Variants in ZNF446 observed in about 807,000 individuals in gnomAD.
ZNF446 encodes the protein zinc finger protein 446.
ZNF446 carries 42 observed loss-of-function variants against 34.0 expected under a neutral mutation model. The ratio of observed to expected loss-of-function variants is 1.23; its 90% CI spans 0.96 to 1.60. The LOEUF (loss-of-function observed/expected upper bound fraction) is 1.60, where lower values mean the gene tolerates loss of function less well. Ranked by LOEUF, ZNF446 falls within the 40% of genes most tolerant of loss-of-function variation. ZNF446 has a pLI of 0.00. For missense variants in ZNF446, 650 were observed against 600.2 expected, an observed-to-expected ratio of 1.08 and a Z score of -0.87; for synonymous variants, 315 against 251.0, an observed-to-expected ratio of 1.25 and a Z score of -2.41.
chr19:58,478,175 G>T lies in ZNF446; in HGVS notation c.621G>T (p.Arg207Ser). The T allele has an allele frequency of 6.2e-7, 1 of 1,613,828 alleles. No individual in the cohort carries two copies. The highest frequency in any genetic ancestry group is 1.1e-5 in the South Asian group (1 of 91,058). The change falls in exon 4 of 7, where the codon AGG becomes AGT. Residue 207 changes from arginine to serine, a missense_variant. Coordinates refer to ENST00000594369, the MANE Select transcript of ZNF446 (RefSeq NM_017908.4). ...CCTCCACATCCTTCCACCCACCCAG[G>T]ATTCAGGTGAGCAGCCCCAAGTGGG... is the stretch of plus-strand genomic sequence containing the variant. The part of the protein sequence containing the change: ...EPASTSFHPP[R>S]IQEEWGLLDR...
At chr19:58,477,585 T>C in intron 2 of ZNF446, 25 bp downstream of exon 2, 2 of 1,613,068 alleles carry the variant, frequency 1.2e-6, no homozygotes, top group South Asian at 1.1e-5. Context: ...CATCAGCTTC[T>C]TGGAGGGATA....
At position 58,480,316 on chromosome 19, in the gene ZNF446, C is replaced by A; in HGVS notation, c.943C>A (p.Pro315Thr). The change falls in exon 7 of 7, where the codon CCC becomes ACC. Residue 315 changes from proline to threonine, a missense_variant. Physicochemically the swap from Pro to Thr is conservative, Grantham distance 38. Coordinates refer to ENST00000594369, the MANE Select transcript of ZNF446 (RefSeq NM_017908.4). This position sits in a 1 kb window ranked among gnomAD's most constrained non-coding sequence, Gnocchi z 7.2. ...AGGGACACCGCCAGTGCCCACTCAG[C>A]CCACACCTGCAGAGACGAGACTGGA... Reference protein sequence around the residue: ...RPGTPPVPTQPTPAETRLEPA... With the variant: ...RPGTPPVPTQTTPAETRLEPA... 5 of 1,584,192 alleles carry A rather than the reference C, an allele frequency of 3.2e-6. No individual in the cohort carries two copies. Among genetic ancestry groups the A allele is most frequent in the Non-Finnish European group, 4.3e-6 (5 of 1,166,114 alleles).
At chr19:58,482,938 A>G (rs116133978), downstream of ZNF446, among the ~76,000 whole-genome samples, 1,200 of 152,326 alleles carry the variant, frequency 7.9e-3, 15 homozygotes, top group African/African-American at 0.027. Context: ...GCAGTTTTTA[A>G]ATAAACTTTT....
In ZNF446 at chr19:58,480,275, C is replaced by T. The variant is rs2053126671; in HGVS notation, c.902C>T (p.Ala301Val). 1 of 1,578,828 alleles carries T rather than the reference C, an allele frequency of 6.3e-7. No homozygotes were observed. ...WEGLSGAATPAPTVRPGTPPV... is the reference protein window; with the variant it reads ...WEGLSGAATPVPTVRPGTPPV... ...GGCTTGTCTGGGGCTGCCACTCCTG[C>T]CCCCACTGTGCGCCCAGGGACACCG... The change falls in exon 7 of 7, where the codon GCC (alanine) becomes GTC (valine). Residue 301 changes from alanine to valine, a missense_variant. Coordinates refer to ENST00000594369, the MANE Select transcript of ZNF446 (RefSeq NM_017908.4). This position sits in a 1 kb window ranked among gnomAD's most constrained non-coding sequence, Gnocchi z 7.2.
rs1337715633 is a variant in ZNF446 at position 58,479,635 on chromosome 19, A to T, written c.628-8A>T. ...AAAGACGCCTACAGTGATGGGCCAC[A>T]TCCGCAGGAGGAGTGGGGGCTGCTG... is the stretch of plus-strand genomic sequence containing the variant. On this transcript the variant is annotated splice_region_variant and splice_polypyrimidine_tract_variant and intron_variant, in intron 4 of 6. Coordinates refer to ENST00000594369, the MANE Select transcript of ZNF446 (RefSeq NM_017908.4). 2 of 1,613,418 alleles carry T rather than the reference A, an allele frequency of 1.2e-6. No homozygotes were observed. Among genetic ancestry groups the T allele is most frequent in the Admixed American group, 1.7e-5 (1 of 59,924 alleles).
chr19:58,476,714 G>C (rs2053089109), intron 1 of ZNF446, among the ~76,000 whole-genome samples: 1 of 152,100 alleles, frequency 6.6e-6, no homozygotes, highest in Admixed American at 6.5e-5. Flanking sequence ...CCTAAAGGAG[G>C]TCCCACCCAG....
chr19:58,485,300 G>T (rs1267463024), downstream of ZNF446, among the ~76,000 whole-genome samples: 2 of 149,794 alleles, frequency 1.3e-5, no homozygotes, highest in Non-Finnish European at 3.0e-5. Context: ...TGGAGTTCAA[G>T]ACTAGCCTGG....
the ZNF446 span, among the ~76,000 whole-genome samples, chr19:58,486,927 T>C: frequency 1.1e-4 from 16 of 151,600 alleles, no homozygotes; most frequent in African/African-American, 1.7e-4. Context: ...CTCAGCCTCC[T>C]GAGTAGCTGG....
Position 58,479,923 on chromosome 19 carries a change from C to CA in ZNF446, c.713-7_713-6insA. The CA allele has an allele frequency of 6.4e-7, 1 of 1,564,912 alleles. No homozygotes were observed. Among genetic ancestry groups the CA allele is most frequent in the Non-Finnish European group, 8.6e-7 (1 of 1,157,946 alleles). Reference sequence around the variant, plus strand: ...CCCATGCCTAACTGTGCCCCCCACCCGGGCAGGGTTACCGCCCCACCAGCC... The same window carrying CA: ...CCCATGCCTAACTGTGCCCCCCACCCAGGGCAGGGTTACCGCCCCACCAGCC... On this transcript the variant is annotated splice_polypyrimidine_tract_variant and splice_region_variant and intron_variant, in intron 5 of 6. Transcript: ENST00000594369.
At chr19:58,488,925 C>A in the ZNF446 span, among the ~76,000 whole-genome samples, 2 of 151,560 alleles carry the variant, frequency 1.3e-5, no homozygotes, top group Non-Finnish European at 2.9e-5. Context: ...AGGACCTGTG[C>A]ATATGATGAG....
In ZNF446 at chr19:58,480,415, G is replaced by C; in HGVS notation, c.1042G>C (p.Val348Leu). ...CGGCTTCGACTGGAAGTCAGTGTTC[G>C]TCATCCACCACCGGACACACACGAG... ...GRGFDWKSVF[V>L]IHHRTHTSGP... Residue 348 changes from valine (V) to leucine (L), a missense_variant, in exon 7 of 7, where the codon GTC (valine) becomes CTC (leucine). By Grantham distance (32) the Val-to-Leu change is conservative. Transcript: ENST00000594369. The surrounding 1 kb of genome is among the most constrained non-coding windows in gnomAD (Gnocchi z 7.2). 6.2e-7 allele frequency: 1 copy of C among 1,613,002 alleles called. No homozygotes were observed. The highest frequency in any genetic ancestry group is 8.5e-7 in the Non-Finnish European group (1 of 1,179,968).
rs369224271 is a variant in ZNF446, at chr19:58,480,372, G to A, written c.999G>A (p.Thr333=). 4.4e-6 allele frequency: 7 copies of A among 1,608,808 alleles called. No individual in the cohort carries two copies. The highest frequency in any genetic ancestry group is 2.7e-5 in the African/African-American group (2 of 74,908). Residue 333 remains threonine (T), a synonymous_variant, in exon 7 of 7, where the codon ACG becomes ACA. Transcript: ENST00000594369. The surrounding 1 kb of genome is among the most constrained non-coding windows in gnomAD (Gnocchi z 7.2). ...EPAATPRKPY[T]CEQCGRGFDW... ...CTGCCACCCCCAGGAAGCCCTACAC[G>A]TGCGAGCAGTGTGGCCGCGGCTTCG...
At chr19:58,487,720 A>C in the ZNF446 span, among the ~76,000 whole-genome samples, 1,075 of 152,230 alleles carry the variant, frequency 7.1e-3, 16 homozygotes, top group African/African-American at 0.024. Context: ...GAGACAGGAG[A>C]ATCTCATCAA....
In ZNF446 at chr19:58,480,912, C is replaced by T. The variant is rs1325237804; in HGVS notation, c.*186C>T. ...CTGGGTGCAAGGAAAAGGAGCTGCTCTCTCTCTTCTTGCCCCTGCCTCCTA... is the reference window on the plus strand; with the variant it reads ...CTGGGTGCAAGGAAAAGGAGCTGCTTTCTCTCTTCTTGCCCCTGCCTCCTA... On this transcript the variant is annotated 3_prime_UTR_variant, in exon 7 of 7. Coordinates refer to ENST00000594369, the MANE Select transcript of ZNF446 (RefSeq NM_017908.4). This position sits in a 1 kb window ranked among gnomAD's most constrained non-coding sequence, Gnocchi z 7.2. 8.5e-6 allele frequency: 6 copies of T among 706,480 alleles called. No individual in the cohort carries two copies. The highest frequency in any genetic ancestry group is 1.4e-5 in the Non-Finnish European group (6 of 436,426). The allele number at this position is 706,480 out of a possible 1,614,324, so 43.8% of individuals were successfully genotyped here. A position where few individuals can be genotyped will look rare whatever the true frequency, so the allele number is the denominator to read the frequency against.
the ZNF446 span, among the ~76,000 whole-genome samples, chr19:58,488,686 C>T: frequency 1.3e-5 from 2 of 151,598 alleles, no homozygotes; most frequent in Non-Finnish European, 2.9e-5. Context: ...CCCGTCTCTA[C>T]TAAAAATACA....
Position 58,478,098 on chromosome 19 carries a change from C to T in ZNF446, c.544C>T (p.Pro182Ser), listed in dbSNP as rs1451889766. The T allele has an allele frequency of 6.2e-7, 1 of 1,613,462 alleles. No individual in the cohort carries two copies. The highest frequency in any genetic ancestry group is 8.5e-7 in the Non-Finnish European group (1 of 1,179,680). ...VDGQEVAPSS[P>S]PLAAQSPEGN... ...GCCCCACTTTTCAGCACCCTCCAGC[C>T]CTCCACTTGCAGCACAGTCCCCTGA... Residue 182 changes from proline (P) to serine (S), a missense_variant, in exon 4 of 7, where the codon CCT (proline) becomes TCT (serine). Transcript: ENST00000594369.
rs149741429 is a variant in ZNF446, at chr19:58,479,971, C to A, written c.754C>A (p.Leu252Met). The A allele has an allele frequency of 6.3e-7, 1 of 1,590,554 alleles. No homozygotes were observed. Among genetic ancestry groups the A allele is most frequent in the African/African-American group, 1.3e-5 (1 of 74,666 alleles). ...GCCAGAGGCACAGGCCCAGTCAGAG[C>A]TGGGGATGCTGCTCACGGGGACAGG... ...HQPEAQAQSE[L>M]GMLLTGTGVC... The change falls in exon 6 of 7, where the codon CTG (leucine) becomes ATG (methionine). Residue 252 changes from leucine (L) to methionine (M), a missense_variant. By Grantham distance (15) the Leu-to-Met change is conservative (BLOSUM62 2). Coordinates refer to ENST00000594369, the MANE Select transcript of ZNF446 (RefSeq NM_017908.4).
chr19:58,479,225 G>A (rs1395260906), intron 4 of ZNF446, among the ~76,000 whole-genome samples: 1 of 152,150 alleles, frequency 6.6e-6, no homozygotes, highest in African/African-American at 2.4e-5. Flanking sequence ...CTCTAGCTGT[G>A]GCTCCTCACA....
At chr19:58,483,221 G>A (rs73064302), downstream of ZNF446, among the ~76,000 whole-genome samples, 20,922 of 152,068 alleles carry the variant, frequency 0.14, 1,767 homozygotes, top group Non-Finnish European at 0.18. Flanking sequence ...GGCTGGGTGT[G>A]GTGGCTCATG....
Sources: allele counts gnomAD v4.1 joint callset (sites outside exome capture counted in the v4.1 genomes callset), GRCh38; gene constraint gnomAD v4.1.1; non-coding constraint Gnocchi (gnomAD v3.1); transcripts MANE v1.5; gene names NCBI Gene and HGNC (gene_info 2026-07-23, HGNC 2026-07-21).